Variants in EFNB1 observed in about 807,000 individuals in gnomAD.
EFNB1 encodes ephrin-B1.
Under a neutral mutation model 18.1 loss-of-function variants are expected in EFNB1, and 1 was observed. The observed-to-expected ratio is 0.06, with a 90% CI of 0.02 to 0.26. The LOEUF is 0.26. Among genes scored for constraint, EFNB1 ranks in the 10% least tolerant of loss-of-function variants. The pLI is 1.00. For missense variants in EFNB1, 221 were observed against 301.8 expected (o/e 0.73, Z 1.98); for synonymous variants, 131 against 127.5 (o/e 1.03, Z -0.19).
chrX:68,833,568 T>A (rs2080452682), intron 1 of EFNB1, among the ~76,000 whole-genome samples: 1 of 112,039 alleles, frequency 8.9e-6, no homozygotes, highest in Non-Finnish European at 1.9e-5. Context: ...GCCAGGAGGC[T>A]GCTAGTTGCC....
At position 68,839,975 on chromosome X, in the gene EFNB1, C is replaced by T. The variant is rs7889678; in HGVS notation, c.515C>T (p.Thr172Met). ...CCATTCTTAGATCCCAATGCTGTGA[C>T]GCCTGAGCAGCTGACTACCAGCAGG... ...MKVGQDPNAVTPEQLTTSRPS... is the reference protein window; with the variant it reads ...MKVGQDPNAVMPEQLTTSRPS... Residue 172 changes from threonine (T) to methionine (M), a missense_variant, in exon 4 of 5, where the codon ACG becomes ATG. Coordinates refer to ENST00000204961, the MANE Select transcript of EFNB1 (RefSeq NM_004429.5). 5.8e-6 allele frequency: 7 copies of T among 1,211,833 alleles called. No individual in the cohort carries two copies. The highest frequency in any genetic ancestry group is 1.8e-5 in the South Asian group (1 of 56,908).
chrX:68,836,511 T>G (rs1406979234), intron 1 of EFNB1, among the ~76,000 whole-genome samples: 1 of 112,272 alleles, frequency 8.9e-6, no homozygotes, highest in African/African-American at 3.2e-5. Flanking sequence ...GCTGCTTTTC[T>G]TCGTCCACTT....
intron 1 of EFNB1, among the ~76,000 whole-genome samples, chrX:68,830,274 G>C (rs1602666179): frequency 8.9e-6 from 1 of 111,992 alleles, no homozygotes; most frequent in African/African-American, 3.2e-5. Context: ...TTTTCGCCGA[G>C]AGCCGCTCCA....
chrX:68,833,143 G>C (rs2080451471), intron 1 of EFNB1, among the ~76,000 whole-genome samples: 1 of 111,098 alleles, frequency 9.0e-6, no homozygotes, highest in African/African-American at 3.3e-5. Flanking sequence ...GGCAGCTGCA[G>C]ACCCCAACCC....
intron 1 of EFNB1, among the ~76,000 whole-genome samples, chrX:68,834,342 A>AG (rs1249679495): frequency 1.8e-5 from 2 of 111,944 alleles, no homozygotes; most frequent in African/African-American, 3.3e-5. Flanking sequence ...GACATCGAGG[A>AG]GGGGGGGTAT....
chrX:68,838,393 G>A (rs1370697410), intron 1 of EFNB1, among the ~76,000 whole-genome samples: 1 of 111,877 alleles, frequency 8.9e-6, no homozygotes, highest in Non-Finnish European at 1.9e-5. Context: ...CTGCCGAGCA[G>A]TCAGAGCCTG....
Position 68,840,570 on chromosome X carries a change from G to A in EFNB1, c.957G>A (p.Lys319=). Residue 319 remains lysine (K), a synonymous_variant, in exon 5 of 5, where the codon AAG becomes AAA. Transcript: ENST00000204961. ...TENNYCPHYE[K]VSGDYGHPVY... ...ACAACTACTGCCCCCACTATGAGAA[G>A]GTGAGTGGGGACTACGGGCACCCTG... 8.3e-7 allele frequency: 1 copy of A among 1,211,096 alleles called. No individual in the cohort carries two copies. Among genetic ancestry groups the A allele is most frequent in the African/African-American group, 1.7e-5 (1 of 57,823 alleles).
chrX:68,840,915 G>A lies in EFNB1; in HGVS notation c.*261G>A. On this transcript the variant is annotated 3_prime_UTR_variant, in exon 5 of 5. Transcript: ENST00000204961. ...GGGGGCGCCCCTTCTTGGAAGGCAG[G>A]GCTGGACACTGATGGACAGCAGGCA... is the stretch of plus-strand genomic sequence containing the variant. 1 of 415,068 alleles carries A rather than the reference G, an allele frequency of 2.4e-6. No homozygotes were observed. The highest frequency in any genetic ancestry group is 3.9e-5 in the South Asian group (1 of 25,746). The allele number at this position is 415,068 out of a possible 1,213,427, so 34.2% of individuals were successfully genotyped here.
At chrX:68,839,052 C>T (rs1177236888) in intron 2 of EFNB1, among the ~76,000 whole-genome samples, 158 bp downstream of exon 2, 1 of 112,210 alleles carries the variant, frequency 8.9e-6, no homozygotes, top group Non-Finnish European at 1.9e-5. Context: ...CTCCTCTTAG[C>T]CTGGCCTTGG....
At chrX:68,836,576 A>G (rs2080461304) in intron 1 of EFNB1, among the ~76,000 whole-genome samples, 1 of 112,448 alleles carries the variant, frequency 8.9e-6, no homozygotes, top group South Asian at 3.7e-4. Context: ...TCCCTCCCTC[A>G]GATGAGGACA....
At chrX:68,838,492 A>G in intron 1 of EFNB1, 125 bp from the exon 2 acceptor site, 1 of 792,625 alleles carries the variant, frequency 1.3e-6, no homozygotes, top group Non-Finnish European at 1.9e-6. Context: ...GAGGAAGGGC[A>G]GAAGGCTTGC....
At chrX:68,838,919 T>A (rs760376529) in intron 2 of EFNB1, 25 bp downstream of exon 2, 8 of 1,183,855 alleles carry the variant, frequency 6.8e-6, no homozygotes, top group Non-Finnish European at 9.1e-6. Flanking sequence ...TCCCATCCTC[T>A]GGCTCTCTCC....
At chrX:68,831,132 C>G (rs1188293556) in intron 1 of EFNB1, among the ~76,000 whole-genome samples, 1 of 111,187 alleles carries the variant, frequency 9.0e-6, no homozygotes, top group Non-Finnish European at 1.9e-5. Context: ...ATCACTGATT[C>G]CTGTATCTCA....
chrX:68,840,648 G>A lies in EFNB1; in HGVS notation c.1035G>A (p.Lys345=), dbSNP rs758047692. 2 of 1,206,034 alleles carry A rather than the reference G, an allele frequency of 1.7e-6. No homozygotes were observed. Among genetic ancestry groups the A allele is most frequent in the African/African-American group, 3.5e-5 (2 of 57,601 alleles). The change falls in exon 5 of 5, where the codon AAG becomes AAA. Residue 345 remains lysine (K), a synonymous_variant. Coordinates refer to ENST00000204961, the MANE Select transcript of EFNB1 (RefSeq NM_004429.5). ...PPQSPANIYY[K]V is the part of the protein sequence containing the mutation. ...AGAGCCCGGCGAACATCTACTACAA[G>A]GTCTGAGTGCCCGGCACGGCCTCAG...
intron 1 of EFNB1, among the ~76,000 whole-genome samples, chrX:68,835,510 T>G (rs1387599594): frequency 9.0e-6 from 1 of 111,358 alleles, no homozygotes; most frequent in Non-Finnish European, 1.9e-5. Flanking sequence ...TGGCCTTCAC[T>G]CTCACTGGCT....
rs369662868 is a variant in EFNB1 at position 68,840,358 on chromosome X, G to A, written c.745G>A (p.Val249Ile). Residue 249 changes from valine (V) to isoleucine (I), a missense_variant, in exon 5 of 5, where the codon GTC becomes ATC. Transcript: ENST00000204961. ...GTTCGCGGCTGTCGGTGCCGGTTGC[G>A]TCATCTTCCTGCTCATCATCATCTT... ...ALFAAVGAGC[V>I]IFLLIIIFLT... 1.2e-5 allele frequency: 15 copies of A among 1,210,242 alleles called. No homozygotes were observed. In the East Asian group the frequency reaches 1.5e-4, roughly 12 times the overall value.
In EFNB1 at chrX:68,840,589, C is replaced by A. The variant is rs1162137787; in HGVS notation, c.976C>A (p.His326Asn). Reference protein sequence around the residue: ...HYEKVSGDYGHPVYIVQEMPP... With the variant: ...HYEKVSGDYGNPVYIVQEMPP... ...TGAGAAGGTGAGTGGGGACTACGGGCACCCTGTCTACATCGTCCAAGAGAT... is the reference window on the plus strand; with the variant it reads ...TGAGAAGGTGAGTGGGGACTACGGGAACCCTGTCTACATCGTCCAAGAGAT... The change falls in exon 5 of 5, where the codon CAC becomes AAC. Residue 326 changes from histidine to asparagine, a missense_variant. By Grantham distance (68) the His-to-Asn change is moderately conservative. Transcript: ENST00000204961. 1 of 1,211,179 alleles carries A rather than the reference C, an allele frequency of 8.3e-7. No individual in the cohort carries two copies. The highest frequency in any genetic ancestry group is 2.2e-5 in the Admixed American group (1 of 46,029).
In EFNB1 at chrX:68,841,785, C is replaced by T. The variant is rs2080480208; in HGVS notation, c.*1131C>T. On this transcript the variant is annotated 3_prime_UTR_variant, in exon 5 of 5. Transcript: ENST00000204961. ...GGAAAGAGGAAGAGGCTGCCTGGGG[C>T]TGGGCCAGCCCGCTGTGCACTTTGA... 1 of 113,666 alleles carries T rather than the reference C, an allele frequency of 8.8e-6. No individual in the cohort carries two copies. Among genetic ancestry groups the T allele is most frequent in the Non-Finnish European group, 1.9e-5 (1 of 53,426 alleles). 9.4% of individuals were successfully genotyped at this position (113,666 alleles called of 1,213,427 possible). A position where few individuals can be genotyped will look rare whatever the true frequency, so the allele number is the denominator to read the frequency against.
At chrX:68,829,937 G>A (rs2080439981) in intron 1 of EFNB1, 33 bp downstream of exon 1, 1 of 1,165,940 alleles carries the variant, frequency 8.6e-7, no homozygotes, top group Admixed American at 2.6e-5. Context: ...ACGCTGGGGT[G>A]GGAGGCACTC....
Sources: allele counts gnomAD v4.1 joint callset (sites outside exome capture counted in the v4.1 genomes callset), GRCh38; gene constraint gnomAD v4.1.1; transcripts MANE v1.5; gene names NCBI Gene and HGNC (gene_info 2026-07-23, HGNC 2026-07-21).